COL26A1: variants seen among roughly 807,000 people sequenced by gnomAD.
COL26A1 encodes the protein collagen type XXVI alpha 1 chain.
In COL26A1, 41 loss-of-function variants were observed where a neutral mutation model predicts 59.3. The ratio of observed to expected loss-of-function variants is 0.69; its 90% CI spans 0.54 to 0.90. The LOEUF (loss-of-function observed/expected upper bound fraction) is 0.90. Ranked by LOEUF, COL26A1 falls within the 40% of genes least tolerant of loss-of-function variation. COL26A1 has a pLI of 0.00. For synonymous variants in COL26A1, 266 were observed against 256.0 expected (o/e 1.04, Z -0.37); for missense variants, 612 against 602.3 (o/e 1.02, Z -0.17).
At chr7:101,501,792 A>C (rs1225325239) in intron 3 of COL26A1, among the ~76,000 whole-genome samples, 1 of 152,208 alleles carries the variant, frequency 6.6e-6, no homozygotes, top group Non-Finnish European at 1.5e-5. Context: ...GTGTGTGTAC[A>C]TGAGCTGTGT....
Position 101,489,937 on chromosome 7 carries a change from T to C in COL26A1, c.385+42150T>C, listed in dbSNP as rs62464348. 8.4e-3 allele frequency among the ~76,000 whole-genome samples: 434 copies of C among 51,810 alleles called. 3 individuals are homozygous for C. The highest frequency in any genetic ancestry group is 0.019 in the Middle Eastern group (2 of 106). 34.0% of individuals were successfully genotyped at this position (51,810 alleles called of 152,430 possible). On this transcript the variant is annotated intron_variant, in intron 3 of 12. Coordinates refer to ENST00000313669, the MANE Select transcript of COL26A1 (RefSeq NM_001278563.3). ...TTCTTTCTTGTCTCTCTCTCTCTCT[T>C]TCTTTCTTTCTTTCTTTCTGATGGA...
At chr7:101,532,283 G>A (rs1234610500) in intron 3 of COL26A1, among the ~76,000 whole-genome samples, 1 of 152,076 alleles carries the variant, frequency 6.6e-6, no homozygotes, top group Non-Finnish European at 1.5e-5. Flanking sequence ...CTGCCAGAGT[G>A]AGCATCTACA....
intron 6 of COL26A1, among the ~76,000 whole-genome samples, chr7:101,544,511 G>A (rs945385813): frequency 6.7e-5 from 10 of 148,196 alleles, no homozygotes; most frequent in African/African-American, 2.5e-4. Context: ...ACAGGCGTGA[G>A]CCACCACCTC....
chr7:101,407,653 G>GTGCAA (rs1792158442), intron 1 of COL26A1, among the ~76,000 whole-genome samples: 1 of 151,874 alleles, frequency 6.6e-6, no homozygotes, highest in Non-Finnish European at 1.5e-5. Flanking sequence ...TGGAGGTGGG[G>GTGCAA]TGCAGACACT....
intron 8 of COL26A1, 88 bp from the exon 9 acceptor site, chr7:101,549,083 G>A: frequency 1.5e-6 from 1 of 655,496 alleles, no homozygotes; most frequent in Non-Finnish European, 2.6e-6. Context: ...TACTTCCCAT[G>A]GAGACAGATC....
intron 3 of COL26A1, among the ~76,000 whole-genome samples, chr7:101,486,384 C>T (rs1285762589): frequency 2.0e-5 from 3 of 152,164 alleles, no homozygotes; most frequent in Admixed American, 6.5e-5. Context: ...CTCTGAAGCC[C>T]GGTCTTGGGG....
At chr7:101,408,197 TA>T (rs1792171516) in intron 1 of COL26A1, among the ~76,000 whole-genome samples, 1 of 152,136 alleles carries the variant, frequency 6.6e-6, no homozygotes, top group South Asian at 2.1e-4. Flanking sequence ...GGGTGTTTAT[TA>T]GGGATGGCTT....
chr7:101,547,781 A>C (rs1327860999), intron 8 of COL26A1, among the ~76,000 whole-genome samples: 1 of 145,318 alleles, frequency 6.9e-6, no homozygotes, highest in South Asian at 2.1e-4. Flanking sequence ...TCATTCGTTC[A>C]TTCATTCATT....
intron 9 of COL26A1, among the ~76,000 whole-genome samples, chr7:101,550,062 G>T (rs1266181927): frequency 1.3e-5 from 2 of 152,194 alleles, no homozygotes; most frequent in Admixed American, 6.5e-5. Context: ...GGCACAGTGG[G>T]CAGGGCCTTA....
chr7:101,556,705 G>T (rs1795982837), intron 12 of COL26A1, among the ~76,000 whole-genome samples: 1 of 151,712 alleles, frequency 6.6e-6, no homozygotes, highest in Non-Finnish European at 1.5e-5. Flanking sequence ...TGAGTGGATG[G>T]ATAAGTGGGC....
intron 2 of COL26A1, among the ~76,000 whole-genome samples, chr7:101,433,114 GA>G (rs1792821218): frequency 2.0e-5 from 3 of 152,088 alleles, no homozygotes; most frequent in African/African-American, 7.2e-5. Context: ...CTTGAGGCCA[GA>G]AGTTTGAGAC....
intron 1 of COL26A1, among the ~76,000 whole-genome samples, chr7:101,418,790 A>T (rs1201626152): frequency 6.6e-6 from 1 of 151,886 alleles, no homozygotes; most frequent in Non-Finnish European, 1.5e-5. Context: ...GGCTATGGGG[A>T]TGGGAGGAGG....
chr7:101,496,444 GT>G (rs1794586732), intron 3 of COL26A1, among the ~76,000 whole-genome samples: 1 of 152,132 alleles, frequency 6.6e-6, no homozygotes, highest in Non-Finnish European at 1.5e-5. Flanking sequence ...GGGTTTGGGG[GT>G]TTTGGAGTGG....
At chr7:101,514,496 C>G (rs1161639125) in intron 3 of COL26A1, among the ~76,000 whole-genome samples, 1 of 152,100 alleles carries the variant, frequency 6.6e-6, no homozygotes, top group Non-Finnish European at 1.5e-5. Context: ...GTCAGGGGAC[C>G]CAGGGTTGTC....
chr7:101,476,198 A>G (rs992919849), intron 3 of COL26A1, among the ~76,000 whole-genome samples: 2 of 150,796 alleles, frequency 1.3e-5, no homozygotes, highest in Admixed American at 1.3e-4. Flanking sequence ...GGGTTTCACT[A>G]TCTTGGCCAG....
At chr7:101,512,034 C>A (rs911481282) in intron 3 of COL26A1, among the ~76,000 whole-genome samples, 15 of 152,106 alleles carry the variant, frequency 9.9e-5, no homozygotes, top group African/African-American at 3.4e-4. Context: ...AAGACACAAC[C>A]GAATTCATAA....
intron 3 of COL26A1, among the ~76,000 whole-genome samples, chr7:101,491,112 T>C (rs1171585339): frequency 6.7e-6 from 1 of 150,140 alleles, no homozygotes; most frequent in Non-Finnish European, 1.5e-5. Context: ...CCTTAAGCCC[T>C]GTGAGCCTCA....
chr7:101,429,212 C>T (rs1792719559), intron 2 of COL26A1, among the ~76,000 whole-genome samples: 1 of 152,180 alleles, frequency 6.6e-6, no homozygotes. Flanking sequence ...GTGTGAGCCA[C>T]CATGCCTGGC....
At position 101,506,216 on chromosome 7, in the gene COL26A1, G is replaced by A. The variant is rs752707206; in HGVS notation, c.386-26866G>A. On this transcript the variant is annotated intron_variant, in intron 3 of 12. Transcript: ENST00000313669. ...ATGCCTTTAACTTCCTGACTGTCCC[G>A]GTTGTTTGGGGCGGCCAGGAGGCCC... is the stretch of plus-strand genomic sequence containing the variant. Among the ~76,000 whole-genome samples, 66 of 152,332 alleles carry A rather than the reference G, an allele frequency of 4.3e-4. 1 individual carries two copies. Among genetic ancestry groups the A allele is most frequent in the Middle Eastern group, 6.8e-3 (2 of 294 alleles).
Sources: gnomAD v4.1 joint callset for allele counts (sites outside exome capture counted in the v4.1 genomes callset) on GRCh38, gnomAD v4.1.1 for gene constraint, MANE v1.5 for transcripts, NCBI Gene and HGNC (gene_info 2026-07-23, HGNC 2026-07-21) for gene names.